Variants in SNAP91 observed in about 807,000 individuals in gnomAD.
SNAP91 encodes the protein synaptosome associated protein 91.
In SNAP91, 27 loss-of-function variants were observed where a neutral mutation model predicts 100.3. That is an observed-to-expected ratio of 0.27 (90% CI 0.20 to 0.37). The LOEUF is 0.37. SNAP91 is among the 10% of genes least tolerant of loss of function. SNAP91 has a pLI of 1.00. For missense variants in SNAP91, 986 were observed against 1,123.7 expected (o/e 0.88, Z 1.75); for synonymous variants, 404 against 398.6 (o/e 1.01, Z -0.16).
intron 8 of SNAP91, among the ~76,000 whole-genome samples, chr6:83,639,042 T>C (rs1035532818): frequency 1.3e-5 from 2 of 152,228 alleles, no homozygotes; most frequent in Non-Finnish European, 2.9e-5. Context: ...TTAAGAAATT[T>C]GAATAGTTCC....
chr6:83,708,004 A>T, intron 1 of SNAP91, 47 bp from the exon 2 acceptor site: 1 of 1,453,016 alleles, frequency 6.9e-7, no homozygotes, highest in Non-Finnish European at 9.0e-7. Flanking sequence ...CGCAGACCCT[A>T]CCCTCCAAGC....
At chr6:83,597,063 T>C (rs1202046672) in intron 16 of SNAP91, among the ~76,000 whole-genome samples, 1 of 152,196 alleles carries the variant, frequency 6.6e-6, no homozygotes, top group Admixed American at 6.5e-5. Flanking sequence ...AAAATCCCCT[T>C]GTCAGCAAGA....
chr6:83,707,866 G>A lies in SNAP91; in HGVS notation c.62C>T (p.Ala21Val). The A allele has an allele frequency of 6.2e-7, 1 of 1,612,282 alleles. No homozygotes were observed. The highest frequency in any genetic ancestry group is 8.5e-7 in the Non-Finnish European group (1 of 1,179,288). ...GGCTTTGCAGACCGCTCTTGCTACA[G>A]CAGAGCCTGTAACGCTGTACTGAGC... The part of the protein sequence containing the change: ...AAAQYSVTGS[A>V]VARAVCKATT... Residue 21 changes from alanine to valine, a missense_variant, in exon 2 of 30, where the codon GCT becomes GTT. Physicochemically the swap from Ala to Val is moderately conservative, Grantham distance 64. This residue lies in a region of SNAP91 where 330 missense variants were observed against 447.5 expected (regional missense o/e 0.74). Transcript: ENST00000369694.
chr6:83,672,332 G>C (rs2098799388), intron 2 of SNAP91, among the ~76,000 whole-genome samples: 1 of 152,064 alleles, frequency 6.6e-6, no homozygotes, highest in African/African-American at 2.4e-5. Context: ...ACATGGGACT[G>C]GGGGCAAGAG....
rs369146791 is a variant in SNAP91 at position 83,605,733 on chromosome 6, C to A, written c.1093G>T (p.Ala365Ser). ...DFSSGGAAAA[A>S]APAPPPPAGG... ...GCAGGTGGTGGTGGTGCTGGTGCTG[C>A]GGCTGCTGCTGCCCCTCCAGAGGAA... Residue 365 changes from alanine (A) to serine (S), a missense_variant, in exon 14 of 30, where the codon GCA (alanine) becomes TCA (serine). By Grantham distance (99) the Ala-to-Ser change is moderately conservative (BLOSUM62 1). This residue lies in a region of SNAP91 where 330 missense variants were observed against 447.5 expected (regional missense o/e 0.74). Coordinates refer to ENST00000369694, the MANE Select transcript of SNAP91 (RefSeq NM_001242792.2). The A allele has an allele frequency of 6.4e-7, 1 of 1,552,652 alleles. No homozygotes were observed. Among genetic ancestry groups the A allele is most frequent in the South Asian group, 1.2e-5 (1 of 84,074 alleles).
At chr6:83,663,651 T>G (rs1562564192) in intron 3 of SNAP91, among the ~76,000 whole-genome samples, 1 of 152,064 alleles carries the variant, frequency 6.6e-6, no homozygotes, top group Non-Finnish European at 1.5e-5. Context: ...TTCATGAGGT[T>G]TAAGGAAAGA....
intron 3 of SNAP91, among the ~76,000 whole-genome samples, 192 bp downstream of exon 3, chr6:83,665,247 T>C (rs950914164): frequency 1.3e-5 from 2 of 152,060 alleles, no homozygotes; most frequent in African/African-American, 2.4e-5. Flanking sequence ...TAAGACAATG[T>C]CTAACTTAAA....
At chr6:83,649,601 A>T (rs1229724812) in intron 7 of SNAP91, among the ~76,000 whole-genome samples, 6 of 151,988 alleles carry the variant, frequency 3.9e-5, no homozygotes, top group African/African-American at 1.2e-4. Context: ...TTTGTTTTTG[A>T]GGTGAAATCT....
chr6:83,577,364 CAAAATTTATTTT>C lies in SNAP91; in HGVS notation c.2300-1323_2300-1312del, dbSNP rs550488477. Among the ~76,000 whole-genome samples, 1,467 of 151,960 alleles carry C rather than the reference CAAAATTTATTTT, an allele frequency of 9.7e-3. 13 individuals carry two copies. The highest frequency in any genetic ancestry group is 0.029 in the South Asian group (141 of 4,798). On this transcript the variant is annotated intron_variant, in intron 24 of 29. Coordinates refer to ENST00000369694, the MANE Select transcript of SNAP91 (RefSeq NM_001242792.2). ...CCATAATTTTAGTTTTTTTAAAAGA[CAAAATTTATTTT>C]AAAATTTATTTTTCAATTAGACTAT... is the stretch of plus-strand genomic sequence containing the variant.
chr6:83,705,575 T>C (rs1588345073), intron 2 of SNAP91, among the ~76,000 whole-genome samples: 1 of 151,950 alleles, frequency 6.6e-6, no homozygotes, highest in Non-Finnish European at 1.5e-5. Context: ...GAGGCCAAGG[T>C]GGGCAGATAA....
At chr6:83,664,224 T>G (rs1227416229) in intron 3 of SNAP91, among the ~76,000 whole-genome samples, 2 of 152,160 alleles carry the variant, frequency 1.3e-5, no homozygotes, top group Non-Finnish European at 2.9e-5. Flanking sequence ...ACATTCATTG[T>G]GCAGCCCATG....
At chr6:83,659,425 C>CTTTTT (rs397887198) in intron 5 of SNAP91, among the ~76,000 whole-genome samples, 3 of 124,062 alleles carry the variant, frequency 2.4e-5, no homozygotes, top group East Asian at 2.3e-4. Context: ...ATGTTTTCTT[C>CTTTTT]TTTTTTTTTT....
chr6:83,618,992 TAAAAC>T (rs199847021), intron 9 of SNAP91, among the ~76,000 whole-genome samples: 3,990 of 151,700 alleles, frequency 0.026, 172 homozygotes, highest in African/African-American at 0.088. Context: ...CTTAGTTACC[TAAAAC>T]AAAACAAAAC....
intron 26 of SNAP91, among the ~76,000 whole-genome samples, chr6:83,571,918 A>C (rs1314253217): frequency 6.6e-6 from 1 of 152,070 alleles, no homozygotes; most frequent in East Asian, 1.9e-4. Context: ...ATAGTGAGTA[A>C]GTCTCATGAG....
At chr6:83,614,232 T>C (rs751740829) in intron 11 of SNAP91, among the ~76,000 whole-genome samples, 27 of 152,176 alleles carry the variant, frequency 1.8e-4, no homozygotes, top group Non-Finnish European at 3.2e-4. Flanking sequence ...CCTCAACACT[T>C]AGTAAACCCA....
At chr6:83,598,675 T>G (rs1415512892) in intron 16 of SNAP91, among the ~76,000 whole-genome samples, 4 of 152,170 alleles carry the variant, frequency 2.6e-5, no homozygotes, top group Admixed American at 1.3e-4. Context: ...TATTCTAGAG[T>G]TCTACCACTT....
chr6:83,628,821 A>G (rs1430552323), intron 8 of SNAP91, among the ~76,000 whole-genome samples: 1 of 151,598 alleles, frequency 6.6e-6, no homozygotes, highest in Non-Finnish European at 1.5e-5. Context: ...TTGTCTGTTT[A>G]CTCTGCTGAC....
chr6:83,658,587 C>G lies in SNAP91; in HGVS notation c.546+412G>C, dbSNP rs141408338. Among the ~76,000 whole-genome samples the G allele has an allele frequency of 7.7e-3, 1,178 of 152,130 alleles. 32 individuals are homozygous for G. The East Asian group carries it at 0.09, about 12-fold the overall frequency. Reference sequence around the variant, plus strand: ...CGCCACTGCACTCCAGCCTGGGTGACAGAGTGAGACTCCGTCTCAAAAAAA... The same window carrying G: ...CGCCACTGCACTCCAGCCTGGGTGAGAGAGTGAGACTCCGTCTCAAAAAAA... On this transcript the variant is annotated intron_variant, in intron 6 of 29. Transcript: ENST00000369694.
chr6:83,555,409 T>C (rs1776385090), intron 29 of SNAP91, among the ~76,000 whole-genome samples: 1 of 152,194 alleles, frequency 6.6e-6, no homozygotes, highest in Non-Finnish European at 1.5e-5. Flanking sequence ...AAGGATCAGT[T>C]CTTTTAGCTG....
Sources: allele counts gnomAD v4.1 joint callset (sites outside exome capture counted in the v4.1 genomes callset), GRCh38; gene constraint gnomAD v4.1.1; regional missense constraint gnomAD v4.1.1; transcripts MANE v1.5; gene names NCBI Gene and HGNC (gene_info 2026-07-23, HGNC 2026-07-21).